Variants in ROBO1 observed in about 807,000 individuals in gnomAD.
The protein encoded by ROBO1 is roundabout homolog 1.
ROBO1 carries 149 observed loss-of-function variants against 195.9 expected under a neutral mutation model. The ratio of observed to expected loss-of-function variants is 0.76; its 90% confidence interval spans 0.67 to 0.87. The LOEUF (loss-of-function observed/expected upper bound fraction) is 0.87. ROBO1 is among the 40% of genes least tolerant of loss of function. ROBO1 has a pLI of 0.00. For missense variants in ROBO1, 1,933 were observed against 2,068.3 expected, an observed-to-expected ratio of 0.93 and a Z score of 1.27; for synonymous variants, 816 against 733.2, an observed-to-expected ratio of 1.11 and a Z score of -1.82.
At chr3:78,860,146 G>A (rs1267679388) in intron 4 of ROBO1, among the ~76,000 whole-genome samples, 1 of 141,288 alleles carries the variant, frequency 7.1e-6, no homozygotes, top group Non-Finnish European at 1.6e-5. Flanking sequence ...TAGGTAGATA[G>A]ATAGATAGAT....
At chr3:79,670,006 A>T (rs1313741059) in intron 1 of ROBO1, among the ~76,000 whole-genome samples, 1 of 151,908 alleles carries the variant, frequency 6.6e-6, no homozygotes, top group Non-Finnish European at 1.5e-5. Context: ...TTGAGTACAC[A>T]GCTTTACATT....
At chr3:79,397,925 C>T (rs940777919) in intron 2 of ROBO1, among the ~76,000 whole-genome samples, 3 of 152,054 alleles carry the variant, frequency 2.0e-5, no homozygotes, top group African/African-American at 7.2e-5. Context: ...TGCAATAGAG[C>T]CTGGTGCAGA....
intron 2 of ROBO1, among the ~76,000 whole-genome samples, chr3:79,153,577 C>T (rs959246431): frequency 5.3e-5 from 8 of 151,252 alleles, no homozygotes; most frequent in South Asian, 2.1e-4. Context: ...ATTGTTAACA[C>T]GGTGGTCTAA....
chr3:78,796,940 T>A (rs2084201701), intron 4 of ROBO1, among the ~76,000 whole-genome samples: 1 of 152,202 alleles, frequency 6.6e-6, no homozygotes, highest in Non-Finnish European at 1.5e-5. Flanking sequence ...CCCTTTGTCT[T>A]CCAACCTCGT....
At chr3:79,433,593 G>T (rs2038766503) in intron 2 of ROBO1, among the ~76,000 whole-genome samples, 1 of 151,968 alleles carries the variant, frequency 6.6e-6, no homozygotes, top group East Asian at 1.9e-4. Context: ...TCATGGGTAG[G>T]AAGAATCAGT....
At chr3:78,899,273 G>C (rs2037441064) in intron 4 of ROBO1, among the ~76,000 whole-genome samples, 1 of 152,162 alleles carries the variant, frequency 6.6e-6, no homozygotes, top group Non-Finnish European at 1.5e-5. Context: ...GTCATGCTGT[G>C]TGACTTCATG....
chr3:79,587,022 T>TG (rs1276734760), intron 2 of ROBO1, among the ~76,000 whole-genome samples: 5 of 151,914 alleles, frequency 3.3e-5, no homozygotes, highest in African/African-American at 1.2e-4. Context: ...ATTCAATGGC[T>TG]GGCAAAGCCC....
chr3:79,057,167 C>A lies in ROBO1; in HGVS notation c.172+68289G>T, dbSNP rs532170449. Among the ~76,000 whole-genome samples the A allele has an allele frequency of 2.5e-3, 383 of 152,132 alleles. 1 individual carries two copies. The highest frequency in any genetic ancestry group is 8.8e-3 in the African/African-American group (366 of 41,534). On this transcript the variant is annotated intron_variant, in intron 3 of 30. Coordinates refer to ENST00000464233, the MANE Select transcript of ROBO1 (RefSeq NM_002941.4). ...CTGTTACAGTGTTCACTGATGGCTC[C>A]AATGAAAATGCTGGTTATGTAGGTC...
chr3:78,911,272 T>G (rs1313190157), intron 4 of ROBO1, among the ~76,000 whole-genome samples: 3 of 152,110 alleles, frequency 2.0e-5, no homozygotes, highest in African/African-American at 7.2e-5. Flanking sequence ...ATTGTGATAT[T>G]CACATCTGTA....
intron 3 of ROBO1, among the ~76,000 whole-genome samples, chr3:79,033,067 A>C (rs551391401): frequency 1.6e-3 from 238 of 152,184 alleles, no homozygotes; most frequent in African/African-American, 5.6e-3. Context: ...CACAAATTTC[A>C]AAACTCCTAA....
intron 2 of ROBO1, among the ~76,000 whole-genome samples, chr3:79,171,840 T>C (rs1360231383): frequency 6.6e-6 from 1 of 152,154 alleles, no homozygotes; most frequent in Non-Finnish European, 1.5e-5. Context: ...AATAAAATTA[T>C]GATATGTAAC....
Position 79,386,514 on chromosome 3 carries a change from A to G in ROBO1, c.88+203310T>C, listed in dbSNP as rs77735215. ...TTCAATGAGACTTGTATTCTTGGTC[A>G]GTTATTGTGCTAAATGCAAGACAAT... On this transcript the variant is annotated intron_variant, in intron 2 of 30. Coordinates refer to ENST00000464233, the MANE Select transcript of ROBO1 (RefSeq NM_002941.4). Among the ~76,000 whole-genome samples, 697 of 152,246 alleles carry G rather than the reference A, an allele frequency of 4.6e-3. 2 individuals are homozygous for G. The highest frequency in any genetic ancestry group is 0.014 in the African/African-American group (581 of 41,548).
chr3:79,597,820 G>T (rs1447157027), intron 1 of ROBO1, among the ~76,000 whole-genome samples: 1 of 152,044 alleles, frequency 6.6e-6, no homozygotes, highest in Non-Finnish European at 1.5e-5. Flanking sequence ...TGATGACAAG[G>T]CAAAGACACA....
At chr3:79,098,166 C>G (rs148729931) in intron 3 of ROBO1, among the ~76,000 whole-genome samples, 120 of 151,858 alleles carry the variant, frequency 7.9e-4, no homozygotes, top group Admixed American at 1.9e-3. Context: ...GAGGAATGAC[C>G]CATATGTCTG....
At chr3:78,957,596 A>C (rs2041115566) in intron 3 of ROBO1, among the ~76,000 whole-genome samples, 1 of 152,200 alleles carries the variant, frequency 6.6e-6, no homozygotes, top group Non-Finnish European at 1.5e-5. Context: ...GGAAATGTGA[A>C]AAGCCTGAGT....
intron 5 of ROBO1, among the ~76,000 whole-genome samples, chr3:78,736,997 G>A (rs1299394643): frequency 2.6e-5 from 4 of 152,096 alleles, no homozygotes; most frequent in Admixed American, 2.0e-4. Flanking sequence ...TCGATGCATG[G>A]GAAAGAAGTT....
At chr3:79,683,737 A>G (rs924247076) in intron 1 of ROBO1, among the ~76,000 whole-genome samples, 13 of 152,016 alleles carry the variant, frequency 8.6e-5, no homozygotes, top group African/African-American at 3.1e-4. Flanking sequence ...TTCACTTAGC[A>G]TGGTTTCAAG....
intron 2 of ROBO1, among the ~76,000 whole-genome samples, chr3:79,388,846 A>AATCC (rs1189493399): frequency 6.6e-6 from 1 of 152,106 alleles, no homozygotes; most frequent in East Asian, 1.9e-4. Context: ...GAGCAACAAC[A>AATCC]ATCCCCAAAC....
chr3:79,503,794 G>A (rs532382176), intron 2 of ROBO1, among the ~76,000 whole-genome samples: 1 of 152,262 alleles, frequency 6.6e-6, no homozygotes, highest in South Asian at 2.1e-4. Flanking sequence ...AATGGCTATT[G>A]TCTGGATTTG....
Sources: allele counts gnomAD v4.1 joint callset (sites outside exome capture counted in the v4.1 genomes callset), GRCh38; gene constraint gnomAD v4.1.1; transcripts MANE v1.5; gene names NCBI Gene and HGNC (gene_info 2026-07-23, HGNC 2026-07-21).